RRM2: variants seen among roughly 807,000 people sequenced by gnomAD.
RRM2 encodes the protein ribonucleotide reductase regulatory subunit M2.
In RRM2, 6 loss-of-function variants were observed where a neutral mutation model predicts 45.9. The observed-to-expected ratio is 0.13, with a 90% CI of 0.07 to 0.26. The LOEUF is 0.26. Among genes scored for constraint, RRM2 ranks in the 10% least tolerant of loss-of-function variants. The pLI is 1.00. For missense variants in RRM2, 343 were observed against 489.5 expected, an observed-to-expected ratio of 0.70 and a Z score of 2.82; for synonymous variants, 177 against 173.0, an observed-to-expected ratio of 1.02 and a Z score of -0.18.
Position 10,123,540 on chromosome 2 carries a change from G to A in RRM2, c.318+10G>A. ...TTGGACCGCCGAGGAGGTAATCGGA[G>A]GACCCCAGAAGACCCCTGCAGGGGT... On this transcript the variant is annotated intron_variant, in intron 3 of 9. Transcript: ENST00000304567. 6.2e-7 allele frequency: 1 copy of A among 1,609,920 alleles called. No homozygotes were observed. The highest frequency in any genetic ancestry group is 8.5e-7 in the Non-Finnish European group (1 of 1,178,078).
At position 10,129,592 on chromosome 2, in the gene RRM2, T is replaced by C; in HGVS notation, c.*206T>C. ...CCTTTTGCCAGAAGGCCTGGCTGGCTGTGACTTACCATAGCAGTGACAATG... is the reference window on the plus strand; with the variant it reads ...CCTTTTGCCAGAAGGCCTGGCTGGCCGTGACTTACCATAGCAGTGACAATG... On this transcript the variant is annotated 3_prime_UTR_variant, in exon 10 of 10. Transcript: ENST00000304567. The surrounding 1 kb of genome is among the most constrained non-coding windows in gnomAD (Gnocchi z 4.8). 1 of 585,214 alleles carries C rather than the reference T, an allele frequency of 1.7e-6. No homozygotes were observed. The highest frequency in any genetic ancestry group is 2.9e-5 in the East Asian group (1 of 34,382). The allele number at this position is 585,214 out of a possible 1,614,324, so 36.3% of individuals were successfully genotyped here.
At chr2:10,157,788 A>C (rs1663464877) in intron 3 of RRM2, among the ~76,000 whole-genome samples, 1 of 152,224 alleles carries the variant, frequency 6.6e-6, no homozygotes, top group African/African-American at 2.4e-5. Context: ...GAGGCAACTA[A>C]TGGCTCAGTT....
At chr2:10,146,984 GTC>G (rs1385018864) in intron 3 of RRM2, among the ~76,000 whole-genome samples, 2 of 151,730 alleles carry the variant, frequency 1.3e-5, no homozygotes, top group Admixed American at 1.3e-4. Context: ...TTGAGATGGA[GTC>G]TCTGTTGACA....
chr2:10,187,455 C>A (rs899652342), intron 3 of RRM2, among the ~76,000 whole-genome samples: 11 of 152,230 alleles, frequency 7.2e-5, no homozygotes. Flanking sequence ...GCCAACTGTG[C>A]AGTGAGAGAG....
At chr2:10,167,272 T>C (rs989466196) in intron 3 of RRM2, among the ~76,000 whole-genome samples, 5 of 152,174 alleles carry the variant, frequency 3.3e-5, no homozygotes, top group Admixed American at 2.0e-4. Flanking sequence ...CAAGGAATGA[T>C]GAGCCAGTGA....
At chr2:10,210,129 C>T (rs1294166460) in intron 3 of RRM2, among the ~76,000 whole-genome samples, 1 of 152,206 alleles carries the variant, frequency 6.6e-6, no homozygotes, top group Admixed American at 6.5e-5. Flanking sequence ...GCCCTCCTCC[C>T]TGTGCCGAAA....
intron 3 of RRM2, among the ~76,000 whole-genome samples, chr2:10,164,733 T>C (rs1378284454): frequency 2.0e-5 from 3 of 152,202 alleles, no homozygotes; most frequent in Non-Finnish European, 4.4e-5. Flanking sequence ...ATTTCCTATC[T>C]GGGCGGCCAG....
intron 3 of RRM2, among the ~76,000 whole-genome samples, chr2:10,188,206 G>A (rs560679868): frequency 2.0e-4 from 30 of 152,314 alleles, no homozygotes; most frequent in African/African-American, 7.2e-4. Flanking sequence ...GCAGCCCGGT[G>A]GTCCTGCCTG....
chr2:10,140,731 G>A (rs1407058097), upstream of RRM2, among the ~76,000 whole-genome samples: 2 of 152,224 alleles, frequency 1.3e-5, no homozygotes, highest in Admixed American at 1.3e-4. Flanking sequence ...TGGATAGAGA[G>A]GAAGGTGTCC....
At chr2:10,189,757 A>T (rs372451618) in intron 3 of RRM2, among the ~76,000 whole-genome samples, 6,343 of 152,326 alleles carry the variant, frequency 0.042, 457 homozygotes, top group African/African-American at 0.15. Flanking sequence ...TGATGTGCTT[A>T]AAAGTCTTAC....
chr2:10,166,508 G>A lies in RRM2; in HGVS notation n.482+24133G>A, dbSNP rs535877055. 1.4e-4 allele frequency among the ~76,000 whole-genome samples: 22 copies of A among 152,316 alleles called. No individual in the cohort carries two copies. In the East Asian group the frequency reaches 4.3e-3, roughly 29 times the overall value. On this transcript the variant is annotated intron_variant and non_coding_transcript_variant, in intron 3 of 3. Coordinates refer to the RRM2 transcript ENST00000381786. The stretch of plus-strand genomic sequence containing the variant: ...ACCGCGTGTGCTCCCTGCTGTCTGC[G>A]TCCGTGTCTGGCAAATTGGTGAGGG...
At chr2:10,210,680 A>T in exon 4 of RRM2, 2 of 1,262,290 alleles carry the variant, frequency 1.6e-6, no homozygotes, top group Non-Finnish European at 2.1e-6. Context: ...CCTGCAGGCC[A>T]GGGAGGGTGG....
chr2:10,173,835 C>G (rs1212945345), intron 3 of RRM2, among the ~76,000 whole-genome samples: 1 of 152,194 alleles, frequency 6.6e-6, no homozygotes, highest in African/African-American at 2.4e-5. Flanking sequence ...CTTGGCCTGG[C>G]GCGGGCTGAT....
intron 3 of RRM2, among the ~76,000 whole-genome samples, chr2:10,201,234 TACTC>T (rs1664565334): frequency 6.6e-6 from 1 of 151,840 alleles, no homozygotes. Flanking sequence ...AATTTAAGGA[TACTC>T]ACAGGTAGTT....
upstream of RRM2, among the ~76,000 whole-genome samples, chr2:10,140,885 G>A (rs893415723): frequency 6.6e-6 from 1 of 152,136 alleles, no homozygotes; most frequent in Non-Finnish European, 1.5e-5. Context: ...AGGGGAAGCA[G>A]CTACCCAGGC....
intron 3 of RRM2, among the ~76,000 whole-genome samples, chr2:10,194,677 G>A (rs1387124916): frequency 1.3e-5 from 2 of 152,258 alleles, no homozygotes; most frequent in Non-Finnish European, 2.9e-5. Flanking sequence ...TGCTGCCTAA[G>A]TGCCTCTGCC....
Position 10,122,798 on chromosome 2 carries a change from T to G in RRM2, c.-1T>G. 6.3e-7 allele frequency: 1 copy of G among 1,589,178 alleles called. No individual in the cohort carries two copies. Among genetic ancestry groups the G allele is most frequent in the Non-Finnish European group, 8.6e-7 (1 of 1,169,238 alleles). The stretch of plus-strand genomic sequence containing the variant: ...TCGCTCTGCTTCGCTGCGCCTCCAC[T>G]ATGCTCTCCCTCCGTGTCCCGCTCG... On this transcript the variant is annotated 5_prime_UTR_variant, in exon 1 of 10. Coordinates refer to ENST00000304567, the MANE Select transcript of RRM2 (RefSeq NM_001034.4).
chr2:10,181,024 C>T (rs1664034342), intron 3 of RRM2, among the ~76,000 whole-genome samples: 1 of 152,210 alleles, frequency 6.6e-6, no homozygotes, highest in South Asian at 2.1e-4. Flanking sequence ...GCCTCAGCCT[C>T]CCAAAGTGCT....
chr2:10,142,332 C>T (rs1014551702), exon 3 of RRM2: 1 of 1,382,990 alleles, frequency 7.2e-7, no homozygotes, highest in Non-Finnish European at 9.7e-7. Flanking sequence ...TCAGGTGTTA[C>T]TCGGGGTGCG....
Sources: allele counts gnomAD v4.1 joint callset (sites outside exome capture counted in the v4.1 genomes callset), GRCh38; gene constraint gnomAD v4.1.1; non-coding constraint Gnocchi (gnomAD v3.1); transcripts MANE v1.5; gene names NCBI Gene and HGNC (gene_info 2026-07-23, HGNC 2026-07-21).